LARGE1: variants seen among roughly 807,000 people sequenced by gnomAD.
LARGE1 encodes xylosyl- and glucuronyltransferase LARGE1.
Under a neutral mutation model 87.6 loss-of-function variants are expected in LARGE1, and 43 were observed. That is an observed-to-expected ratio of 0.49 (90% confidence interval 0.38 to 0.63). The LOEUF is 0.63. Ranked by LOEUF, LARGE1 falls within the 30% of genes least tolerant of loss-of-function variation. LARGE1 has a pLI of 0.00. For synonymous variants in LARGE1, 434 were observed against 394.6 expected (o/e 1.10, Z -1.18); for missense variants, 802 against 1,000.2 (o/e 0.80, Z 2.67).
chr22:33,601,045 G>A (rs576172252), intron 5 of LARGE1, among the ~76,000 whole-genome samples: 4 of 152,248 alleles, frequency 2.6e-5, no homozygotes, highest in Admixed American at 2.6e-4. Context: ...ACTCCAGCCT[G>A]GGCGACAGAG....
intron 6 of LARGE1, among the ~76,000 whole-genome samples, chr22:33,455,581 T>C (rs1350526652): frequency 6.6e-6 from 1 of 151,924 alleles, no homozygotes; most frequent in Non-Finnish European, 1.5e-5. Context: ...AGTGAAACCC[T>C]GTATTTACTA....
intron 10 of LARGE1, among the ~76,000 whole-genome samples, chr22:33,335,223 C>T (rs2146538348): frequency 6.6e-6 from 1 of 152,324 alleles, no homozygotes; most frequent in South Asian, 2.1e-4. Context: ...GCAAAGAGAA[C>T]TGAAGGAAAA....
intron 2 of LARGE1, among the ~76,000 whole-genome samples, chr22:33,703,979 G>A (rs1235077366): frequency 6.6e-6 from 1 of 152,216 alleles, no homozygotes; most frequent in Non-Finnish European, 1.5e-5. Context: ...CAAGTCATGG[G>A]AGGATCTGTG....
At chr22:33,475,314 T>C (rs1398310533) in intron 6 of LARGE1, among the ~76,000 whole-genome samples, 2 of 152,054 alleles carry the variant, frequency 1.3e-5, no homozygotes, top group East Asian at 1.9e-4. Flanking sequence ...ATGATAATAA[T>C]AGGATTTATG....
intron 11 of LARGE1, among the ~76,000 whole-genome samples, chr22:33,242,617 T>C (rs937160620): frequency 1.3e-5 from 2 of 152,242 alleles, no homozygotes; most frequent in African/African-American, 2.4e-5. Context: ...TTTTTATTTA[T>C]GTTTTTCTCA....
At chr22:33,781,206 TTCACACTGACGGCCAGGTGCTGTGGC>T (rs1160199366) in intron 1 of LARGE1, among the ~76,000 whole-genome samples, 2 of 152,106 alleles carry the variant, frequency 1.3e-5, no homozygotes, top group African/African-American at 4.8e-5. Flanking sequence ...AATCTATAAT[TTCACACTGACGGCCAGGTGCTGTGGC>T]TCACACCTGT....
chr22:33,177,683 T>G (rs1922945521), intron 11 of LARGE1, among the ~76,000 whole-genome samples: 2 of 152,150 alleles, frequency 1.3e-5, no homozygotes, highest in African/African-American at 4.8e-5. Flanking sequence ...GACTAGAGGT[T>G]GCTTGGAATG....
chr22:33,799,525 C>T (rs192671351), intron 1 of LARGE1, among the ~76,000 whole-genome samples: 6 of 152,250 alleles, frequency 3.9e-5, no homozygotes, highest in Admixed American at 2.0e-4. Context: ...ACCACAACCT[C>T]CCCCTCCTGG....
chr22:33,233,074 T>A (rs1926087666), intron 11 of LARGE1, among the ~76,000 whole-genome samples: 1 of 152,178 alleles, frequency 6.6e-6, no homozygotes, highest in Admixed American at 6.5e-5. Flanking sequence ...TCATTCAAAT[T>A]CTCATTTTTC....
At chr22:33,209,791 G>A (rs1026738422) in intron 11 of LARGE1, among the ~76,000 whole-genome samples, 11 of 152,150 alleles carry the variant, frequency 7.2e-5, no homozygotes, top group Non-Finnish European at 1.5e-4. Context: ...GACTACAGGC[G>A]TGCACCACCA....
chr22:33,172,350 T>A (rs1922620516), intron 11 of LARGE1, among the ~76,000 whole-genome samples: 1 of 152,170 alleles, frequency 6.6e-6, no homozygotes, highest in Non-Finnish European at 1.5e-5. Context: ...TGGGAAGGCA[T>A]GATTGGTTTT....
intron 7 of LARGE1, among the ~76,000 whole-genome samples, chr22:33,420,883 T>G (rs1273393651): frequency 6.6e-6 from 1 of 152,158 alleles, no homozygotes; most frequent in Non-Finnish European, 1.5e-5. Context: ...ATTTACGTAC[T>G]TCGAGTATTA....
chr22:33,593,992 C>G (rs1373532102), intron 5 of LARGE1, among the ~76,000 whole-genome samples: 1 of 152,122 alleles, frequency 6.6e-6, no homozygotes, highest in Non-Finnish European at 1.5e-5. Flanking sequence ...TCAGTTTCCT[C>G]GCCAGGAAAT....
the LARGE1 span, among the ~76,000 whole-genome samples, chr22:33,103,848 G>A: frequency 1.3e-5 from 2 of 152,136 alleles, no homozygotes; most frequent in Non-Finnish European, 2.9e-5. Flanking sequence ...CCCTTATACT[G>A]TTCTCGTGGT....
chr22:33,282,845 C>T (rs972538177), intron 13 of LARGE1, among the ~76,000 whole-genome samples: 12 of 152,262 alleles, frequency 7.9e-5, no homozygotes, highest in African/African-American at 2.9e-4. Context: ...TGGACAAGCA[C>T]ACAAAAGGGA....
chr22:33,327,903 G>A (rs534488101), intron 10 of LARGE1, among the ~76,000 whole-genome samples: 58 of 152,310 alleles, frequency 3.8e-4, no homozygotes, highest in African/African-American at 1.2e-3. Context: ...AATGCTTCAA[G>A]AAAAGGACTT....
At chr22:33,133,503 A>G in the LARGE1 span, among the ~76,000 whole-genome samples, 18 of 152,346 alleles carry the variant, frequency 1.2e-4, no homozygotes, top group South Asian at 4.1e-4. Flanking sequence ...TGCAAGGGAC[A>G]TGAACTCATC....
chr22:33,516,057 T>C (rs949088328), intron 6 of LARGE1, among the ~76,000 whole-genome samples: 7 of 152,106 alleles, frequency 4.6e-5, no homozygotes, highest in South Asian at 2.1e-4. Context: ...GATAAATCCA[T>C]AGTGAAAGCT....
At chr22:33,915,250 A>G (rs2065753332) in intron 1 of LARGE1, among the ~76,000 whole-genome samples, 1 of 152,140 alleles carries the variant, frequency 6.6e-6, no homozygotes, top group Non-Finnish European at 1.5e-5. Flanking sequence ...AAACACACAT[A>G]TGCACACATG....
Sources: gnomAD v4.1 joint callset for allele counts (sites outside exome capture counted in the v4.1 genomes callset) on GRCh38, gnomAD v4.1.1 for gene constraint, MANE v1.5 for transcripts, NCBI Gene and HGNC (gene_info 2026-07-23, HGNC 2026-07-21) for gene names.